The following HDAC9 variants were observed in gnomAD, a reference collection of about 807,000 sequenced individuals.
The protein encoded by HDAC9 is MEF-2 interacting transcription repressor (MITR) protein.
HDAC9 carries 41 observed loss-of-function variants against 139.4 expected under a neutral mutation model. That is an observed-to-expected ratio of 0.29 (90% confidence interval 0.23 to 0.38). The LOEUF (loss-of-function observed/expected upper bound fraction) is 0.38, where lower values mean the gene tolerates loss of function less well. Ranked by LOEUF, HDAC9 falls within the 10% of genes least tolerant of loss-of-function variation. The pLI, the probability that HDAC9 is intolerant of heterozygous loss-of-function variation, is 1.00. For missense variants in HDAC9, 1,147 were observed against 1,297.0 expected (o/e 0.88, Z 1.78); for synonymous variants, 517 against 476.2 (o/e 1.09, Z -1.12).
At chr7:18,096,035 G>A (rs1157319075) in intron 1 of HDAC9, among the ~76,000 whole-genome samples, 1 of 152,144 alleles carries the variant, frequency 6.6e-6, no homozygotes, top group Non-Finnish European at 1.5e-5. Context: ...TCAAATGTCA[G>A]GTTTAATGAG....
chr7:18,379,016 A>C (rs1231194914), intron 1 of HDAC9, among the ~76,000 whole-genome samples: 2 of 152,214 alleles, frequency 1.3e-5, no homozygotes, highest in African/African-American at 2.4e-5. Flanking sequence ...ATACCTAAAA[A>C]AATCATTATT....
intron 2 of HDAC9, among the ~76,000 whole-genome samples, chr7:18,209,388 C>A (rs1339133059): frequency 6.6e-6 from 1 of 152,192 alleles, no homozygotes; most frequent in Non-Finnish European, 1.5e-5. Flanking sequence ...TTGGCTCAAA[C>A]CCATCTTGAC....
At chr7:18,884,457 T>A (rs1032932478) in intron 22 of HDAC9, among the ~76,000 whole-genome samples, 2 of 152,164 alleles carry the variant, frequency 1.3e-5, no homozygotes, top group African/African-American at 4.8e-5. Flanking sequence ...AAAGACAGTC[T>A]TTGATAATTG....
At chr7:18,627,708 A>G (rs1450126425) in intron 6 of HDAC9, among the ~76,000 whole-genome samples, 1 of 152,134 alleles carries the variant, frequency 6.6e-6, no homozygotes, top group Non-Finnish European at 1.5e-5. Flanking sequence ...AGTCCCGGCA[A>G]GTGATACATT....
At chr7:18,268,261 A>G (rs1415408485) in intron 2 of HDAC9, among the ~76,000 whole-genome samples, 1 of 152,138 alleles carries the variant, frequency 6.6e-6, no homozygotes, top group South Asian at 2.1e-4. Context: ...GTCCATGTCC[A>G]TGTTTTATTG....
chr7:18,895,575 T>C lies in HDAC9; in HGVS notation c.2803+20979T>C, dbSNP rs189633425. 2.5e-3 allele frequency among the ~76,000 whole-genome samples: 388 copies of C among 152,220 alleles called. 1 individual carries two copies. Among genetic ancestry groups the C allele is most frequent in the Admixed American group, 4.2e-3 (64 of 15,268 alleles). On this transcript the variant is annotated intron_variant, in intron 22 of 25. Transcript: ENST00000686413. ...TCTAAAGATCAGCTCATGAAGTGAGTCACTTTAAATTCTTATTAGGTGAGT... is the reference window on the plus strand; with the variant it reads ...TCTAAAGATCAGCTCATGAAGTGAGCCACTTTAAATTCTTATTAGGTGAGT...
Position 18,824,041 on chromosome 7 carries a change from A to AGAG in HDAC9, c.2323-5117_2323-5115dup, listed in dbSNP as rs1554367873. On this transcript the variant is annotated intron_variant, in intron 17 of 25. Coordinates refer to ENST00000686413, the MANE Select transcript of HDAC9 (RefSeq NM_178425.4). ...GGGAAGAAGAGGAAGAGGAAGAGGA[A>AGAG]GAGGAAGAAGAAGAAGAAGAAGAAG... 4.2e-3 allele frequency among the ~76,000 whole-genome samples: 478 copies of AGAG among 113,746 alleles called. 3 individuals are homozygous for AGAG. Among genetic ancestry groups the AGAG allele is most frequent in the Non-Finnish European group, 7.0e-3 (397 of 56,982 alleles). 74.6% of individuals were successfully genotyped at this position (113,746 alleles called of 152,430 possible). A position where few individuals can be genotyped will look rare whatever the true frequency, so the allele number is the denominator to read the frequency against.
chr7:18,835,427 G>C (rs534529056), intron 19 of HDAC9, 40 bp from the exon 20 acceptor site: 14 of 1,587,920 alleles, frequency 8.8e-6, no homozygotes, highest in South Asian at 1.1e-5. Flanking sequence ...CACAAAGTTA[G>C]ACATGACTGT....
At chr7:18,240,590 G>A (rs1167340509) in intron 2 of HDAC9, among the ~76,000 whole-genome samples, 1 of 152,120 alleles carries the variant, frequency 6.6e-6, no homozygotes, top group Non-Finnish European at 1.5e-5. Flanking sequence ...TGCTTTCCAT[G>A]ATTTAATTTT....
intron 1 of HDAC9, among the ~76,000 whole-genome samples, chr7:18,356,130 A>G (rs935134055): frequency 2.6e-5 from 4 of 152,052 alleles, no homozygotes; most frequent in African/African-American, 9.7e-5. Flanking sequence ...AAAAAGAAAA[A>G]AAGGAAGATC....
chr7:18,614,248 C>A (rs148440663), intron 6 of HDAC9, among the ~76,000 whole-genome samples: 48 of 152,202 alleles, frequency 3.2e-4, no homozygotes, highest in African/African-American at 1.1e-3. Flanking sequence ...TCCAAGGTAT[C>A]TTGCAACTAT....
chr7:18,368,234 G>A (rs576101623), intron 1 of HDAC9, among the ~76,000 whole-genome samples: 151 of 151,946 alleles, frequency 9.9e-4, no homozygotes, highest in African/African-American at 3.2e-3. Flanking sequence ...TCCTATGAAA[G>A]GTCATAAAGA....
At chr7:18,092,554 G>A (rs997288564) in intron 1 of HDAC9, among the ~76,000 whole-genome samples, 4 of 152,110 alleles carry the variant, frequency 2.6e-5, no homozygotes, top group African/African-American at 9.7e-5. Context: ...ACAGTTGAAT[G>A]TGGGCTCTAT....
chr7:18,292,814 G>A (rs1316996674), intron 1 of HDAC9, among the ~76,000 whole-genome samples: 2 of 152,132 alleles, frequency 1.3e-5, no homozygotes, highest in Non-Finnish European at 2.9e-5. Flanking sequence ...GGGAGGTGCT[G>A]AAGAGAACTG....
chr7:18,221,493 A>G (rs1246030396), intron 2 of HDAC9, among the ~76,000 whole-genome samples: 2 of 152,172 alleles, frequency 1.3e-5, no homozygotes, highest in Non-Finnish European at 2.9e-5. Context: ...TGTATTATGC[A>G]TGTTAGTCTC....
intron 1 of HDAC9, among the ~76,000 whole-genome samples, chr7:18,100,229 A>G (rs1487030718): frequency 6.6e-6 from 1 of 151,928 alleles, no homozygotes. Flanking sequence ...CCTATAACGT[A>G]TTCTGTTTAT....
intron 1 of HDAC9, among the ~76,000 whole-genome samples, chr7:18,480,039 C>T (rs1795428081): frequency 7.2e-6 from 1 of 137,962 alleles, no homozygotes; most frequent in African/African-American, 2.7e-5. Flanking sequence ...ACCTTTTCCT[C>T]CTTTCTATTT....
chr7:18,445,690 G>A (rs1792225765), intron 1 of HDAC9, among the ~76,000 whole-genome samples: 2 of 152,210 alleles, frequency 1.3e-5, no homozygotes, highest in Non-Finnish European at 2.9e-5. Flanking sequence ...ATGCCCCGAG[G>A]CAGAGCTGTT....
intron 6 of HDAC9, among the ~76,000 whole-genome samples, chr7:18,617,335 C>G (rs1334523931): frequency 6.6e-6 from 1 of 152,166 alleles, no homozygotes; most frequent in Admixed American, 6.6e-5. Context: ...TATTCCCTCT[C>G]TGACCTCTCT....
Sources: allele counts gnomAD v4.1 joint callset (sites outside exome capture counted in the v4.1 genomes callset), GRCh38; gene constraint gnomAD v4.1.1; transcripts MANE v1.5; gene names NCBI Gene and HGNC (gene_info 2026-07-23, HGNC 2026-07-21).